Variants in FNBP4 observed in about 807,000 individuals in gnomAD.
FNBP4 encodes formin-binding protein 4.
FNBP4 carries 34 observed loss-of-function variants against 119.3 expected under a neutral mutation model. That is an observed-to-expected ratio of 0.28 (90% confidence interval 0.22 to 0.38). The LOEUF (loss-of-function observed/expected upper bound fraction) is 0.38. Ranked by LOEUF, FNBP4 falls within the 10% of genes least tolerant of loss-of-function variation. The probability of loss-of-function intolerance (pLI) is 1.00; values close to 1 mark genes in which losing one functional copy is unlikely to be tolerated. For synonymous variants in FNBP4, 462 were observed against 430.6 expected, an observed-to-expected ratio of 1.07 and a Z score of -0.90; for missense variants, 1,112 against 1,228.9, an observed-to-expected ratio of 0.90 and a Z score of 1.42.
At chr11:47,724,414 T>G in intron 13 of FNBP4, 54 bp downstream of exon 13, 1 of 1,612,014 alleles carries the variant, frequency 6.2e-7, no homozygotes, top group Non-Finnish European at 8.5e-7. Flanking sequence ...AAACATGGTG[T>G]CAATCATGTT....
chr11:47,753,238 G>A lies in FNBP4; in HGVS notation c.451-136C>T, dbSNP rs1228091117. On this transcript the variant is annotated intron_variant, in intron 3 of 16. Coordinates refer to ENST00000263773, the MANE Select transcript of FNBP4 (RefSeq NM_015308.5). ...ACCTACAGTTCCAGCACTTTGGGAG[G>A]CTGAGACAGGTGGATCACTTGAGGT... The A allele has an allele frequency of 3.1e-5, 18 of 586,674 alleles. No individual in the cohort carries two copies. In the East Asian group the frequency reaches 5.3e-4, roughly 17 times the overall value. The allele number at this position is 586,674 out of a possible 1,614,324, so 36.3% of individuals were successfully genotyped here.
At chr11:47,733,892 G>A (rs1337071522) in intron 10 of FNBP4, 133 bp downstream of exon 10, 2 of 498,820 alleles carry the variant, frequency 4.0e-6, no homozygotes, top group African/African-American at 2.0e-5. Flanking sequence ...CTGGATTGTC[G>A]GCTCAAATAT....
intron 2 of FNBP4, among the ~76,000 whole-genome samples, chr11:47,765,019 T>G (rs1449507736): frequency 6.6e-6 from 1 of 152,126 alleles, no homozygotes; most frequent in Non-Finnish European, 1.5e-5. Flanking sequence ...AGAAAACTAG[T>G]TATAAAATAG....
chr11:47,722,146 T>G (rs1435487345), intron 15 of FNBP4, among the ~76,000 whole-genome samples: 11 of 78,680 alleles, frequency 1.4e-4, no homozygotes, highest in Admixed American at 3.3e-4. Flanking sequence ...AGCAGAGGGT[T>G]TTTTTTTTTT....
Position 47,751,011 on chromosome 11 carries a change from A to T in FNBP4, c.811T>A (p.Phe271Ile), listed in dbSNP as rs375244757. The change falls in exon 6 of 17, where the codon TTT (phenylalanine) becomes ATT (isoleucine). Residue 271 changes from phenylalanine to isoleucine, a missense_variant. Coordinates refer to ENST00000263773, the MANE Select transcript of FNBP4 (RefSeq NM_015308.5). ...GAATATATGTCTGTATTTACCACAA[A>T]ACTAGTTTCAGCACCTGGCACAGAA... ...PSSVPGAETS[F>I]VVNTDIYSKE... The T allele has an allele frequency of 1.9e-6, 3 of 1,613,944 alleles. No homozygotes were observed. In the African/African-American group the frequency reaches 4.0e-5, roughly 22 times the overall value.
chr11:47,758,831 C>T (rs2097626057), intron 2 of FNBP4, among the ~76,000 whole-genome samples: 1 of 151,720 alleles, frequency 6.6e-6, no homozygotes, highest in African/African-American at 2.4e-5. Context: ...TGTATTCCAG[C>T]CTGGTGACAG....
chr11:47,726,517 A>G (rs931158555), intron 12 of FNBP4: 1 of 151,882 alleles, frequency 6.6e-6, no homozygotes, highest in Non-Finnish European at 1.5e-5. Flanking sequence ...ACATTGTATA[A>G]AAGACTTTAA....
At chr11:47,727,881 T>A (rs2097562935) in intron 12 of FNBP4, among the ~76,000 whole-genome samples, 3 of 152,192 alleles carry the variant, frequency 2.0e-5, no homozygotes, top group Admixed American at 6.6e-5. Flanking sequence ...TAAAGTGGTA[T>A]ATACAGCTCT....
At chr11:47,759,131 G>A (rs1209210038) in intron 2 of FNBP4, among the ~76,000 whole-genome samples, 7 of 151,820 alleles carry the variant, frequency 4.6e-5, no homozygotes, top group African/African-American at 1.5e-4. Context: ...TGTTGGCCAC[G>A]CTGGTCTCGA....
intron 2 of FNBP4, among the ~76,000 whole-genome samples, chr11:47,763,916 T>G (rs2097641436): frequency 6.6e-6 from 1 of 152,148 alleles, no homozygotes; most frequent in African/African-American, 2.4e-5. Context: ...GCTACCTATA[T>G]CAGGCAGTAA....
At chr11:47,754,744 T>C in intron 2 of FNBP4, 80 bp from the exon 3 acceptor site, 1 of 1,499,984 alleles carries the variant, frequency 6.7e-7, no homozygotes, top group Non-Finnish European at 9.0e-7. Flanking sequence ...AAGTATAACA[T>C]GTTTTTTTTA....
In FNBP4 at chr11:47,767,272, C is replaced by T; in HGVS notation, c.17G>A (p.Arg6Gln). Residue 6 changes from arginine to glutamine, a missense_variant, in exon 1 of 17, where the codon CGG (arginine) becomes CAG (glutamine). Transcript: ENST00000263773. MGKKS[R>Q]AVPGRRPILQ... ...GATGGGCCTACGGCCGGGTACCGCCCGGGACTTCTTCCCCATCGCGAGCCC... is the reference window on the plus strand; with the variant it reads ...GATGGGCCTACGGCCGGGTACCGCCTGGGACTTCTTCCCCATCGCGAGCCC... The T allele has an allele frequency of 2.6e-6, 4 of 1,538,882 alleles. No homozygotes were observed. The highest frequency in any genetic ancestry group is 2.0e-5 in the Admixed American group (1 of 49,588).
chr11:47,746,177 A>G lies in FNBP4; in HGVS notation c.1124T>C (p.Met375Thr). Residue 375 changes from methionine (M) to threonine (T), a missense_variant, in exon 7 of 17, where the codon ATG (methionine) becomes ACG (threonine). Physicochemically the swap from Met to Thr is moderately conservative, Grantham distance 81. Transcript: ENST00000263773. ...ATTIVKPQEIMLDNIEDPSQE... is the reference protein window; with the variant it reads ...ATTIVKPQEITLDNIEDPSQE... ...AGAAGGGTCTTCTATATTGTCCAAC[A>G]TAATTTCCTGTGGCTTTACTATTGT... 6.2e-7 allele frequency: 1 copy of G among 1,614,212 alleles called. No individual in the cohort carries two copies.
chr11:47,720,072 C>T lies in FNBP4; in HGVS notation c.2820G>A (p.Lys940=). 2 of 1,613,394 alleles carry T rather than the reference C, an allele frequency of 1.2e-6. No individual in the cohort carries two copies. The highest frequency in any genetic ancestry group is 1.7e-6 in the Non-Finnish European group (2 of 1,179,620). The stretch of plus-strand genomic sequence containing the variant: ...TTTTTACCAAAGATGGCATTTTGGT[C>T]TTACTCTTCTTTGCCTGTAACAAAG... ...KGRKDKAKKS[K]TKMPSLVKKW... Residue 940 remains lysine, a synonymous_variant, in exon 16 of 17, where the codon AAG becomes AAA. Transcript: ENST00000263773.
Position 47,732,248 on chromosome 11 carries a change from G to C in FNBP4, c.1820+289C>G. On this transcript the variant is annotated intron_variant, in intron 11 of 16. Coordinates refer to ENST00000263773, the MANE Select transcript of FNBP4 (RefSeq NM_015308.5). The surrounding 1 kb of genome is among the most constrained non-coding windows in gnomAD (Gnocchi z 4.2). The stretch of plus-strand genomic sequence containing the variant: ...TAAAGCGCACAGAGCTCTCGCATGC[G>C]CTTAACCCCCAAGCCCGCCCTACTC... The C allele has an allele frequency of 1.7e-6, 2 of 1,211,690 alleles. No individual in the cohort carries two copies. The highest frequency in any genetic ancestry group is 4.8e-5 in the South Asian group (2 of 41,826). The allele number at this position is 1,211,690 out of a possible 1,614,324, so 75.1% of individuals were successfully genotyped here.
chr11:47,718,219 T>C (rs997452623), intron 16 of FNBP4, among the ~76,000 whole-genome samples: 1 of 151,908 alleles, frequency 6.6e-6, no homozygotes, highest in Admixed American at 6.6e-5. Context: ...CTAATGTTTT[T>C]TTTTCTGTTT....
At position 47,754,520 on chromosome 11, in the gene FNBP4, C is replaced by A; in HGVS notation, c.450+8G>T. 6.2e-7 allele frequency: 1 copy of A among 1,612,626 alleles called. No homozygotes were observed. Among genetic ancestry groups the A allele is most frequent in the Non-Finnish European group, 8.5e-7 (1 of 1,179,548 alleles). On this transcript the variant is annotated splice_region_variant and intron_variant, in intron 3 of 16. Transcript: ENST00000263773. The stretch of plus-strand genomic sequence containing the variant: ...GTAACTAAAACTCCAAACGAAAGCA[C>A]CACTAACCGCTAGGAAGTTGGCCAA...
intron 16 of FNBP4, among the ~76,000 whole-genome samples, chr11:47,719,568 A>ATGTGTGTG (rs1203883663): frequency 1.9e-5 from 2 of 104,822 alleles, no homozygotes; most frequent in African/African-American, 7.1e-5. Context: ...TTAATATGTT[A>ATGTGTGTG]TGTGTGTATG....
chr11:47,728,848 C>CTTTT (rs35490791), intron 12 of FNBP4, among the ~76,000 whole-genome samples: 16 of 113,540 alleles, frequency 1.4e-4, no homozygotes, highest in Non-Finnish European at 1.7e-4. Context: ...CTGTAGGCGT[C>CTTTT]TTTTTTTTTT....
Sources: allele counts gnomAD v4.1 joint callset (sites outside exome capture counted in the v4.1 genomes callset), GRCh38; gene constraint gnomAD v4.1.1; non-coding constraint Gnocchi (gnomAD v3.1); transcripts MANE v1.5; gene names NCBI Gene and HGNC (gene_info 2026-07-23, HGNC 2026-07-21).